The following INTS9 variants were observed in gnomAD, a reference collection of about 807,000 sequenced individuals.
INTS9 encodes the protein integrator complex subunit 9.
INTS9 carries 55 observed loss-of-function variants against 79.7 expected under a neutral mutation model. That is an observed-to-expected ratio of 0.69 (90% confidence interval 0.56 to 0.86). The LOEUF (loss-of-function observed/expected upper bound fraction) is 0.86, where lower values mean the gene tolerates loss of function less well. Ranked by LOEUF, INTS9 falls within the 40% of genes least tolerant of loss-of-function variation. The probability of loss-of-function intolerance (pLI) is 0.00; values close to 1 mark genes in which losing one functional copy is unlikely to be tolerated. For missense variants in INTS9, 721 were observed against 831.5 expected (o/e 0.87, Z 1.64); for synonymous variants, 319 against 325.2 (o/e 0.98, Z 0.20).
chr8:28,880,388 G>A (rs1246515130), intron 1 of INTS9, among the ~76,000 whole-genome samples: 2 of 151,920 alleles, frequency 1.3e-5, no homozygotes, highest in African/African-American at 4.8e-5. Context: ...CCTGCCGAGT[G>A]CCTGCGATTG....
chr8:28,824,716 T>C (rs915361599), intron 6 of INTS9, among the ~76,000 whole-genome samples: 6 of 152,174 alleles, frequency 3.9e-5, no homozygotes, highest in Admixed American at 3.3e-4. Flanking sequence ...AACTCACGAC[T>C]GCCTGCTTTG....
rs1803212758 is a variant in INTS9, at chr8:28,780,814, T to G, written c.1270+9A>C. ...AGAACCAATTTGTTTCTTTATTTTT[T>G]TCACTTACCCGTGAATATGACGGTA... On this transcript the variant is annotated intron_variant, in intron 12 of 16. Coordinates refer to ENST00000521022, the MANE Select transcript of INTS9 (RefSeq NM_018250.4). 6.2e-7 allele frequency: 1 copy of G among 1,612,534 alleles called. No individual in the cohort carries two copies. The highest frequency in any genetic ancestry group is 8.5e-7 in the Non-Finnish European group (1 of 1,178,788).
At chr8:28,870,343 A>C (rs939834002) in intron 1 of INTS9, among the ~76,000 whole-genome samples, 5 of 136,366 alleles carry the variant, frequency 3.7e-5, no homozygotes, top group Non-Finnish European at 7.6e-5. Flanking sequence ...TAGAATCAGA[A>C]AAAAGCTTTT....
At chr8:28,791,815 T>A (rs1216473467) in intron 10 of INTS9, among the ~76,000 whole-genome samples, 10 of 152,158 alleles carry the variant, frequency 6.6e-5, no homozygotes, top group Non-Finnish European at 1.5e-5. Flanking sequence ...AATAATATGA[T>A]CACTGAGTTT....
intron 10 of INTS9, among the ~76,000 whole-genome samples, chr8:28,788,310 T>C (rs979567911): frequency 6.6e-6 from 1 of 152,244 alleles, no homozygotes. Flanking sequence ...TTTCCAATCA[T>C]GTCCCTTTTC....
chr8:28,780,806 T>A lies in INTS9; in HGVS notation c.1270+17A>T, dbSNP rs1374913668. 6.2e-7 allele frequency: 1 copy of A among 1,612,128 alleles called. No homozygotes were observed. Among genetic ancestry groups the A allele is most frequent in the Non-Finnish European group, 8.5e-7 (1 of 1,178,450 alleles). ...CAGTGGAGAGAACCAATTTGTTTCT[T>A]TATTTTTTTCACTTACCCGTGAATA... On this transcript the variant is annotated intron_variant, in intron 12 of 16. Coordinates refer to ENST00000521022, the MANE Select transcript of INTS9 (RefSeq NM_018250.4).
At chr8:28,871,840 T>C (rs1809113023) in intron 1 of INTS9, among the ~76,000 whole-genome samples, 2 of 152,088 alleles carry the variant, frequency 1.3e-5, no homozygotes, top group African/African-American at 4.8e-5. Context: ...TCTGGGAAAA[T>C]AATATTTATA....
At position 28,835,302 on chromosome 8, in the gene INTS9, C is replaced by T. The variant is rs1405907780; in HGVS notation, c.478G>A (p.Asp160Asn). 6.2e-6 allele frequency: 10 copies of T among 1,612,952 alleles called. No individual in the cohort carries two copies. The highest frequency in any genetic ancestry group is 8.5e-6 in the Non-Finnish European group (10 of 1,179,174). ...TGGTCTGTTCCTCACCTCTGAATGT[C>T]CTTATTCTTCCACAAGGAGGCAGAC... is the stretch of plus-strand genomic sequence containing the variant. ...AQSASLWKNK[D>N]IQRLLPSPLK... Residue 160 changes from aspartate to asparagine, a missense_variant, in exon 6 of 17, where the codon GAC (aspartate) becomes AAC (asparagine). Transcript: ENST00000521022.
At chr8:28,809,703 A>G (rs370185128) in intron 8 of INTS9, among the ~76,000 whole-genome samples, 118 of 152,348 alleles carry the variant, frequency 7.7e-4, no homozygotes, top group African/African-American at 2.5e-3. Flanking sequence ...ATGGAAGAAC[A>G]TATCAGGAAC....
intron 1 of INTS9, among the ~76,000 whole-genome samples, chr8:28,886,902 T>C (rs945784485): frequency 2.0e-5 from 3 of 152,242 alleles, no homozygotes; most frequent in African/African-American, 7.2e-5. Flanking sequence ...AAGGTAGCTA[T>C]CATTCCTTTT....
At position 28,780,626 on chromosome 8, in the gene INTS9, T is replaced by C. The variant is rs979135275; in HGVS notation, c.1270+197A>G. ...GAAAACACAGGCATGAAGGCCTCGC[T>C]GGATGCCCAGCTGTCCAATGGCACA... On this transcript the variant is annotated intron_variant, in intron 12 of 16. Coordinates refer to ENST00000521022, the MANE Select transcript of INTS9 (RefSeq NM_018250.4). 28 of 985,344 alleles carry C rather than the reference T, an allele frequency of 2.8e-5. No individual in the cohort carries two copies. The African/African-American group carries it at 4.9e-4, about 17-fold the overall frequency. The allele number at this position is 985,344 out of a possible 1,614,324, so 61.0% of individuals were successfully genotyped here.
chr8:28,845,996 C>G (rs1034880380), intron 4 of INTS9, among the ~76,000 whole-genome samples: 22 of 152,302 alleles, frequency 1.4e-4, no homozygotes, highest in East Asian at 5.8e-4. Context: ...AATTCTTTTT[C>G]TCTTTGGTCC....
chr8:28,785,320 G>A (rs1161123938), intron 11 of INTS9, among the ~76,000 whole-genome samples: 1 of 152,144 alleles, frequency 6.6e-6, no homozygotes, highest in Non-Finnish European at 1.5e-5. Flanking sequence ...ACTGGTTTTA[G>A]CACCCACTGG....
At chr8:28,816,485 A>T (rs1393934113) in intron 6 of INTS9, among the ~76,000 whole-genome samples, 1 of 150,162 alleles carries the variant, frequency 6.7e-6, no homozygotes, top group Non-Finnish European at 1.5e-5. Context: ...ACATGAACTC[A>T]TCATTTTTTA....
intron 6 of INTS9, 89 bp from the exon 7 acceptor site, chr8:28,813,701 A>C (rs771034369): frequency 3.7e-5 from 53 of 1,415,482 alleles, no homozygotes; most frequent in Non-Finnish European, 5.0e-5. Flanking sequence ...ATTTGATCCA[A>C]ATGGTTTAAT....
At chr8:28,770,944 G>T (rs1802494443) in intron 15 of INTS9, 38 bp downstream of exon 15, 1 of 1,459,000 alleles carries the variant, frequency 6.9e-7, no homozygotes, top group South Asian at 1.2e-5. Context: ...TTCTTGCTGG[G>T]GAGAGGGTCC....
Position 28,770,045 on chromosome 8 carries a change from G to A in INTS9, c.1663-19C>T. 6.2e-7 allele frequency: 1 copy of A among 1,612,136 alleles called. No individual in the cohort carries two copies. Among genetic ancestry groups the A allele is most frequent in the Non-Finnish European group, 8.5e-7 (1 of 1,179,412 alleles). On this transcript the variant is annotated intron_variant, in intron 15 of 16. Coordinates refer to ENST00000521022, the MANE Select transcript of INTS9 (RefSeq NM_018250.4). ...GAGGGGGCTAGAGCAGAAGGAAAGA[G>A]TGGCTTTCATGAGCTTCCTCTGAGC...
chr8:28,837,803 A>G (rs756326385), intron 4 of INTS9, 27 bp from the exon 5 acceptor site: 2 of 1,604,144 alleles, frequency 1.2e-6, no homozygotes, highest in Admixed American at 1.7e-5. Flanking sequence ...GGAATGATAT[A>G]TATCTGTTCA....
chr8:28,884,168 CTTTTTTTTTTTTTTTTTT>C (rs35799882), intron 1 of INTS9, among the ~76,000 whole-genome samples: 6 of 46,948 alleles, frequency 1.3e-4, no homozygotes, highest in Admixed American at 3.0e-4. Flanking sequence ...ATCAGTGTAT[CTTTTTTTTTTTTTTTTTT>C]TTTTTTTTTT....
Sources: allele counts gnomAD v4.1 joint callset (sites outside exome capture counted in the v4.1 genomes callset), GRCh38; gene constraint gnomAD v4.1.1; transcripts MANE v1.5; gene names NCBI Gene and HGNC (gene_info 2026-07-23, HGNC 2026-07-21).